The following BANP variants were observed in gnomAD, a reference collection of about 807,000 sequenced individuals.
BANP encodes the protein protein BANP.
In BANP, 11 loss-of-function variants were observed where a neutral mutation model predicts 68.1. The ratio of observed to expected loss-of-function variants is 0.16; its 90% CI spans 0.10 to 0.27. The LOEUF is 0.27. Among genes scored for constraint, BANP ranks in the 10% least tolerant of loss-of-function variants. BANP has a pLI of 1.00. For missense variants in BANP, 504 were observed against 722.7 expected (o/e 0.70, Z 3.47); for synonymous variants, 329 against 303.2 (o/e 1.09, Z -0.88).
chr16:88,039,141 T>A (rs982439597), intron 11 of BANP, among the ~76,000 whole-genome samples: 5 of 152,196 alleles, frequency 3.3e-5, no homozygotes, highest in Non-Finnish European at 1.5e-5. Context: ...AACTGGTTTA[T>A]GTCAGAGTTT....
At chr16:88,027,772 A>T in intron 8 of BANP, 122 bp downstream of exon 8, 3 of 1,225,718 alleles carry the variant, frequency 2.4e-6, no homozygotes, top group South Asian at 1.4e-5. Flanking sequence ...CCGAGGCCAG[A>T]GGCTTGCGCG....
intron 12 of BANP, among the ~76,000 whole-genome samples, chr16:88,070,896 G>A (rs2090137528): frequency 6.6e-6 from 1 of 152,232 alleles, no homozygotes; most frequent in Non-Finnish European, 1.5e-5. Flanking sequence ...ATCTTTAAAA[G>A]GCTTGTCTTC....
At chr16:88,074,868 A>C (rs2091247661) in intron 13 of BANP, among the ~76,000 whole-genome samples, 1 of 152,010 alleles carries the variant, frequency 6.6e-6, no homozygotes, top group Non-Finnish European at 1.5e-5. Context: ...TCCTCCATCC[A>C]GGGAACAGTA....
In BANP at chr16:88,004,554, C is replaced by G; in HGVS notation, c.479+143C>G. The G allele has an allele frequency of 1.7e-6, 1 of 590,370 alleles. No individual in the cohort carries two copies. Among genetic ancestry groups the G allele is most frequent in the South Asian group, 2.1e-5 (1 of 47,350 alleles). The allele number at this position is 590,370 out of a possible 1,614,324, so 36.6% of individuals were successfully genotyped here. ...GGGTTGAGCCTGGCAGGCACCGCCCCAGCTCTCTGAGGTCGGGGAGGGCAG... is the reference window on the plus strand; with the variant it reads ...GGGTTGAGCCTGGCAGGCACCGCCCGAGCTCTCTGAGGTCGGGGAGGGCAG... On this transcript the variant is annotated intron_variant, in intron 5 of 13. Transcript: ENST00000682872. The surrounding 1 kb of genome is among the most constrained non-coding windows in gnomAD (Gnocchi z 7.0).
chr16:87,991,170 C>G (rs144681273), intron 4 of BANP, among the ~76,000 whole-genome samples: 187 of 152,276 alleles, frequency 1.2e-3, no homozygotes, highest in African/African-American at 4.0e-3. Flanking sequence ...GAATTATTCA[C>G]ATAATCGTAT....
In BANP at chr16:87,993,188, G is replaced by A. The variant is rs138171001; in HGVS notation, c.362+8929G>A. Among the ~76,000 whole-genome samples the A allele has an allele frequency of 7.2e-4, 109 of 152,336 alleles. 1 individual carries two copies. In the East Asian group the frequency reaches 0.02, roughly 28 times the overall value. ...TCAGCAGGACTCAGTGCTTAATGCT[G>A]ATGCGGGTCACCTGGCTGAGGTGGC... On this transcript the variant is annotated intron_variant, in intron 4 of 13. Transcript: ENST00000682872.
intron 4 of BANP, among the ~76,000 whole-genome samples, chr16:87,993,365 C>T (rs1598215171): frequency 1.3e-5 from 2 of 152,300 alleles, no homozygotes; most frequent in Admixed American, 6.5e-5. Context: ...TCAGTCTACC[C>T]GGGAGCCTTG....
intron 1 of BANP, among the ~76,000 whole-genome samples, chr16:87,974,244 C>T (rs1051087020): frequency 6.6e-6 from 1 of 152,188 alleles, no homozygotes; most frequent in African/African-American, 2.4e-5. Context: ...GTCCATAGAC[C>T]ATAGTTTGAA....
chr16:87,973,743 A>G (rs2061521054), intron 1 of BANP, among the ~76,000 whole-genome samples: 1 of 144,988 alleles, frequency 6.9e-6, no homozygotes, highest in Non-Finnish European at 1.5e-5. Flanking sequence ...ACAGGAGCAA[A>G]ACTCCATCAC....
At chr16:88,040,131 T>C (rs746200057) in intron 11 of BANP, among the ~76,000 whole-genome samples, 1 of 152,186 alleles carries the variant, frequency 6.6e-6, no homozygotes, top group Non-Finnish European at 1.5e-5. Context: ...TCTTGGTACA[T>C]GGCCCCTGCT....
At chr16:87,976,840 T>C (rs1467707557) in intron 2 of BANP, among the ~76,000 whole-genome samples, 3 of 152,224 alleles carry the variant, frequency 2.0e-5, no homozygotes, top group Non-Finnish European at 2.9e-5. Context: ...CACACCATCA[T>C]TGCATATTAT....
rs1036205061 is a variant in BANP, at chr16:88,002,903, C to T, written c.363-1392C>T. Among the ~76,000 whole-genome samples, 2 of 152,150 alleles carry T rather than the reference C, an allele frequency of 1.3e-5. No homozygotes were observed. The highest frequency in any genetic ancestry group is 2.9e-5 in the Non-Finnish European group (2 of 68,020). On this transcript the variant is annotated intron_variant, in intron 4 of 13. Transcript: ENST00000682872. This position sits in a 1 kb window ranked among gnomAD's most constrained non-coding sequence, Gnocchi z 4.6. ...TGCTCATGGGGGGAGAGAATAAATG[C>T]ATGTGTGGACATGCTGTGAGCCTAG...
At chr16:88,010,375 T>G (rs952883058) in intron 6 of BANP, among the ~76,000 whole-genome samples, 1 of 152,210 alleles carries the variant, frequency 6.6e-6, no homozygotes, top group African/African-American at 2.4e-5. Flanking sequence ...GAATTCTAAT[T>G]GAATTATTGC....
At chr16:88,020,117 A>G (rs2075707848) in intron 7 of BANP, among the ~76,000 whole-genome samples, 1 of 152,196 alleles carries the variant, frequency 6.6e-6, no homozygotes. Context: ...GGAGTAAAGC[A>G]GGTCAAGAGG....
At chr16:87,981,921 T>C (rs1567653250) in intron 3 of BANP, among the ~76,000 whole-genome samples, 1 of 152,240 alleles carries the variant, frequency 6.6e-6, no homozygotes, top group Non-Finnish European at 1.5e-5. Context: ...GAGGTAAATA[T>C]CGGCACATGT....
chr16:87,995,690 T>C (rs73244813), intron 4 of BANP, among the ~76,000 whole-genome samples: 2,044 of 152,324 alleles, frequency 0.013, 38 homozygotes, highest in African/African-American at 0.046. Context: ...CTTGTTCAAA[T>C]ATACATCAGA....
chr16:88,060,318 C>A (rs74927303), intron 11 of BANP, among the ~76,000 whole-genome samples: 201 of 152,354 alleles, frequency 1.3e-3, no homozygotes, highest in African/African-American at 4.8e-3. Flanking sequence ...CTGCTGGTCA[C>A]TCCTCCACTT....
chr16:87,951,990 G>C (rs2056996647), intron 1 of BANP, among the ~76,000 whole-genome samples: 2 of 150,826 alleles, frequency 1.3e-5, no homozygotes, highest in Admixed American at 1.3e-4. Flanking sequence ...CTGTGGACCG[G>C]AGCCCCATAG....
chr16:88,031,628 G>T (rs2078183785), intron 8 of BANP, among the ~76,000 whole-genome samples: 1 of 144,854 alleles, frequency 6.9e-6, no homozygotes, highest in South Asian at 2.2e-4. Context: ...CAGCCTGGGT[G>T]ACAGAGCAAG....
Sources: gnomAD v4.1 joint callset for allele counts (sites outside exome capture counted in the v4.1 genomes callset) on GRCh38, gnomAD v4.1.1 for gene constraint, Gnocchi (gnomAD v3.1) non-coding constraint, MANE v1.5 for transcripts, NCBI Gene and HGNC (gene_info 2026-07-23, HGNC 2026-07-21) for gene names.